Variants in CBFA2T2 observed in about 807,000 individuals in gnomAD.
The protein encoded by CBFA2T2 is protein CBFA2T2.
CBFA2T2 carries 11 observed loss-of-function variants against 62.2 expected under a neutral mutation model. The observed-to-expected ratio is 0.18, with a 90% CI of 0.11 to 0.29. CBFA2T2 has a LOEUF of 0.29. Ranked by LOEUF, CBFA2T2 falls within the 10% of genes least tolerant of loss-of-function variation. The pLI is 1.00. For synonymous variants in CBFA2T2, 295 were observed against 287.5 expected (o/e 1.03, Z -0.27); for missense variants, 592 against 774.1 (o/e 0.76, Z 2.79).
intron 1 of CBFA2T2, chr20:33,574,064 C>A: frequency 7.1e-7 from 1 of 1,404,464 alleles, no homozygotes; most frequent in Non-Finnish European, 9.5e-7. Flanking sequence ...GCTGGGATTA[C>A]AGGCAAGAGC....
At chr20:33,598,530 A>G (rs1173547146) in intron 1 of CBFA2T2, among the ~76,000 whole-genome samples, 1 of 152,142 alleles carries the variant, frequency 6.6e-6, no homozygotes, top group Non-Finnish European at 1.5e-5. Flanking sequence ...TCCCTGAACA[A>G]TTGCTGTTAT....
intron 1 of CBFA2T2, among the ~76,000 whole-genome samples, chr20:33,541,029 T>G (rs1413535172): frequency 6.6e-6 from 1 of 152,202 alleles, no homozygotes; most frequent in East Asian, 1.9e-4. Context: ...AGGTAAAGTT[T>G]AAGATGCACT....
At chr20:33,501,286 C>G (rs889327232) in intron 1 of CBFA2T2, among the ~76,000 whole-genome samples, 1 of 152,176 alleles carries the variant, frequency 6.6e-6, no homozygotes, top group Non-Finnish European at 1.5e-5. Flanking sequence ...TGGCCTTTTC[C>G]TCTCTTACAA....
chr20:33,585,822 C>G (rs1485173532), intron 1 of CBFA2T2, among the ~76,000 whole-genome samples: 4 of 152,166 alleles, frequency 2.6e-5, no homozygotes, highest in African/African-American at 9.7e-5. Flanking sequence ...ATTATTTTCT[C>G]TCAAAATTCA....
At chr20:33,624,479 C>T (rs748327347) in intron 5 of CBFA2T2, among the ~76,000 whole-genome samples, 5 of 152,120 alleles carry the variant, frequency 3.3e-5, no homozygotes, top group African/African-American at 4.8e-5. Context: ...CTCAGAAAAA[C>T]GGTGTCATCT....
At chr20:33,509,643 A>G (rs1383022902) in intron 1 of CBFA2T2, among the ~76,000 whole-genome samples, 1 of 151,940 alleles carries the variant, frequency 6.6e-6, no homozygotes, top group African/African-American at 2.4e-5. Context: ...GCCTGGCCCA[A>G]TGTGATGAAA....
intron 1 of CBFA2T2, among the ~76,000 whole-genome samples, chr20:33,518,853 G>GC (rs1267727149): frequency 6.6e-6 from 1 of 151,380 alleles, no homozygotes; most frequent in African/African-American, 2.4e-5. Flanking sequence ...ACGGAGTCTG[G>GC]CTCTGTTGCC....
chr20:33,638,073 C>A (rs2016694000), intron 9 of CBFA2T2, among the ~76,000 whole-genome samples: 1 of 143,604 alleles, frequency 7.0e-6, no homozygotes, highest in Admixed American at 7.3e-5. Flanking sequence ...CTCCCAGGTT[C>A]AAGCAACTCT....
chr20:33,501,909 G>T (rs549996129), intron 1 of CBFA2T2, among the ~76,000 whole-genome samples: 76 of 151,282 alleles, frequency 5.0e-4, no homozygotes, highest in Admixed American at 1.1e-3. Context: ...CAAAGTGCTG[G>T]GATTACAGGC....
intron 1 of CBFA2T2, among the ~76,000 whole-genome samples, chr20:33,540,938 C>T (rs1457249811): frequency 6.6e-6 from 1 of 151,880 alleles, no homozygotes; most frequent in Non-Finnish European, 1.5e-5. Flanking sequence ...AAAGGTAACC[C>T]TAGAGTTGTG....
At chr20:33,575,876 C>T (rs1379012315) in intron 1 of CBFA2T2, among the ~76,000 whole-genome samples, 1 of 152,132 alleles carries the variant, frequency 6.6e-6, no homozygotes, top group Non-Finnish European at 1.5e-5. Flanking sequence ...CTCCCGGGTT[C>T]ACACCACTCT....
chr20:33,579,159 G>A (rs2013989684), intron 1 of CBFA2T2, among the ~76,000 whole-genome samples: 1 of 149,050 alleles, frequency 6.7e-6, no homozygotes, highest in East Asian at 1.9e-4. Flanking sequence ...TGTCGCCCAG[G>A]CTGGAGTGCT....
Position 33,560,741 on chromosome 20 carries a change from CTATA to C in CBFA2T2, c.35-46203_35-46200del, listed in dbSNP as rs137879338. ...GAGAATTATAACCACACCTGTTTGA[CTATA>C]TATATATATATGCAGGGGATCTTTC... On this transcript the variant is annotated intron_variant, in intron 1 of 10. Transcript: ENST00000342704. Among the ~76,000 whole-genome samples the C allele has an allele frequency of 5.7e-3, 850 of 150,196 alleles. 5 individuals are homozygous for C. The highest frequency in any genetic ancestry group is 0.019 in the African/African-American group (794 of 41,168).
chr20:33,624,634 C>T, intron 5 of CBFA2T2, 130 bp from the exon 6 acceptor site: 4 of 985,706 alleles, frequency 4.1e-6, no homozygotes, highest in African/African-American at 1.6e-5. Flanking sequence ...CCTCATGTCA[C>T]ACCTTTCCTT....
At chr20:33,533,911 G>T (rs2012130101) in intron 1 of CBFA2T2, among the ~76,000 whole-genome samples, 1 of 152,262 alleles carries the variant, frequency 6.6e-6, no homozygotes, top group Non-Finnish European at 1.5e-5. Context: ...GGAAGTGGAG[G>T]TTGCATTGAG....
At chr20:33,545,073 G>A (rs2012514179) in intron 1 of CBFA2T2, among the ~76,000 whole-genome samples, 8 of 152,046 alleles carry the variant, frequency 5.3e-5, no homozygotes, top group Admixed American at 4.6e-4. Flanking sequence ...ACAGTTTGTG[G>A]TTTCTTTACT....
At position 33,573,837 on chromosome 20, in the gene CBFA2T2, G is replaced by A. The variant is rs1251662168; in HGVS notation, c.35-33119G>A. On this transcript the variant is annotated intron_variant, in intron 1 of 10. Coordinates refer to ENST00000342704, the MANE Select transcript of CBFA2T2 (RefSeq NM_001032999.3). ...AACTCTTCACCCAGGCTGGAGTGCA[G>A]TGGTGCCATCATGGCTCACTGCAGC... 6 of 206,434 alleles carry A rather than the reference G, an allele frequency of 2.9e-5. 1 individual carries two copies. In the East Asian group the frequency reaches 8.9e-4, roughly 31 times the overall value. 12.8% of individuals were successfully genotyped at this position (206,434 alleles called of 1,614,324 possible). A position where few individuals can be genotyped will look rare whatever the true frequency, so the allele number is the denominator to read the frequency against.
chr20:33,509,822 CTTTT>C lies in CBFA2T2; in HGVS notation c.34+19533_34+19536del, dbSNP rs779240592. The stretch of plus-strand genomic sequence containing the variant: ...CCAGCCTGGGAGATAGAGTAAAACT[CTTTT>C]TTTTTTTTTTTAAATACAAGTTCTA... On this transcript the variant is annotated intron_variant, in intron 1 of 10. Coordinates refer to ENST00000342704, the MANE Select transcript of CBFA2T2 (RefSeq NM_001032999.3). Among the ~76,000 whole-genome samples the C allele has an allele frequency of 2.7e-3, 384 of 142,020 alleles. 6 individuals carry two copies. The highest frequency in any genetic ancestry group is 9.5e-3 in the African/African-American group (371 of 39,052). The allele number at this position is 142,020 out of a possible 152,430, so 93.2% of individuals were successfully genotyped here. A position where few individuals can be genotyped will look rare whatever the true frequency, so the allele number is the denominator to read the frequency against.
intron 1 of CBFA2T2, among the ~76,000 whole-genome samples, chr20:33,496,709 C>T (rs1268087332): frequency 2.0e-5 from 3 of 152,134 alleles, no homozygotes; most frequent in African/African-American, 7.2e-5. Flanking sequence ...CCTTATCTGG[C>T]ACTTATCCAT....
Sources: gnomAD v4.1 joint callset for allele counts (sites outside exome capture counted in the v4.1 genomes callset) on GRCh38, gnomAD v4.1.1 for gene constraint, MANE v1.5 for transcripts, NCBI Gene and HGNC (gene_info 2026-07-23, HGNC 2026-07-21) for gene names.